Variants in BCL9 observed in about 807,000 individuals in gnomAD.
BCL9 encodes the protein BCL9 transcription coactivator.
In BCL9, 25 loss-of-function variants were observed where a neutral mutation model predicts 88.5. The observed-to-expected ratio is 0.28, with a 90% CI of 0.21 to 0.39. BCL9 has a LOEUF of 0.39. Among genes scored for constraint, BCL9 ranks in the 10% least tolerant of loss-of-function variants. The pLI is 1.00. For missense variants in BCL9, 1,817 were observed against 1,877.8 expected (o/e 0.97, Z 0.60); for synonymous variants, 711 against 673.3 (o/e 1.06, Z -0.87).
intron 1 of BCL9, among the ~76,000 whole-genome samples, chr1:147,548,263 A>G (rs896708411): frequency 3.3e-5 from 5 of 152,188 alleles, no homozygotes; most frequent in African/African-American, 1.2e-4. Flanking sequence ...TACTTGCTCT[A>G]AGGATGCTTG....
At chr1:147,578,817 A>G (rs587738694) in intron 1 of BCL9, among the ~76,000 whole-genome samples, 5 of 151,896 alleles carry the variant, frequency 3.3e-5, no homozygotes, top group African/African-American at 9.7e-5. Flanking sequence ...TATGTGAAGT[A>G]TAAGGGAAAG....
intron 1 of BCL9, among the ~76,000 whole-genome samples, chr1:147,584,235 C>A (rs782574943): frequency 6.6e-6 from 1 of 151,992 alleles, no homozygotes; most frequent in African/African-American, 2.4e-5. Flanking sequence ...TTAGTAGAGA[C>A]GAGGTTTTGC....
rs1302399272 is a variant in BCL9, at chr1:147,611,832, A to C, written c.-5A>C. 6.2e-7 allele frequency: 1 copy of C among 1,614,092 alleles called. No individual in the cohort carries two copies. The highest frequency in any genetic ancestry group is 1.1e-5 in the South Asian group (1 of 91,080). ...TTTGTGACTGCAAGCTCAGGATTTCAATCAATGCATTCCAGTAACCCTAAA... is the reference window on the plus strand; with the variant it reads ...TTTGTGACTGCAAGCTCAGGATTTCCATCAATGCATTCCAGTAACCCTAAA... On this transcript the variant is annotated 5_prime_UTR_variant, in exon 4 of 10. Transcript: ENST00000234739.
At chr1:147,601,538 A>AT (rs1396996907) in intron 1 of BCL9, among the ~76,000 whole-genome samples, 3 of 152,158 alleles carry the variant, frequency 2.0e-5, no homozygotes, top group Non-Finnish European at 4.4e-5. Context: ...TTGTAAAATC[A>AT]TTGAGAGATG....
intron 7 of BCL9, among the ~76,000 whole-genome samples, chr1:147,618,520 A>G (rs184779221): frequency 1.3e-3 from 192 of 152,352 alleles, no homozygotes; most frequent in African/African-American, 4.4e-3. Flanking sequence ...CTGTTCCTCA[A>G]AATAGATACT....
At chr1:147,612,355 GT>G (rs1553202731) in intron 4 of BCL9, among the ~76,000 whole-genome samples, 1 of 152,178 alleles carries the variant, frequency 6.6e-6, no homozygotes, top group Admixed American at 6.5e-5. Context: ...GCAGTGGTTG[GT>G]TTATCTGCTT....
At chr1:147,566,751 T>C (rs1437423064) in intron 1 of BCL9, among the ~76,000 whole-genome samples, 6 of 84,816 alleles carry the variant, frequency 7.1e-5, no homozygotes, top group South Asian at 9.6e-4. Flanking sequence ...AGCGAGACGC[T>C]GTCTCAAAAA....
In BCL9 at chr1:147,615,832, T is replaced by C. The variant is rs1421763459; in HGVS notation, c.590T>C (p.Val197Ala). The change falls in exon 7 of 10, where the codon GTT becomes GCT. Residue 197 changes from valine to alanine, a missense_variant. Val to Ala is a moderately conservative substitution (Grantham distance 64, BLOSUM62 0). Around this residue, in one of 2 missense-constraint regions of BCL9, gnomAD observed 1,228 missense variants for 1,191.6 expected, o/e 1.03. Transcript: ENST00000234739. ...GCAGAAGCTGTTTTGAAGGGCCAGGTTGAAACTATCGTCTCTTTCCACATC... is the reference window on the plus strand; with the variant it reads ...GCAGAAGCTGTTTTGAAGGGCCAGGCTGAAACTATCGTCTCTTTCCACATC... ...KAAEAVLKGQVETIVSFHIQN... is the reference protein window; with the variant it reads ...KAAEAVLKGQAETIVSFHIQN... 5 of 1,614,082 alleles carry C rather than the reference T, an allele frequency of 3.1e-6. No individual in the cohort carries two copies. Among genetic ancestry groups the C allele is most frequent in the Non-Finnish European group, 4.2e-6 (5 of 1,180,040 alleles).
In BCL9 at chr1:147,556,486, C is replaced by G. The variant is rs193272020; in HGVS notation, c.-478+14812C>G. Among the ~76,000 whole-genome samples the G allele has an allele frequency of 4.8e-3, 736 of 151,942 alleles. 4 individuals carry two copies. The highest frequency in any genetic ancestry group is 0.017 in the African/African-American group (692 of 41,424). On this transcript the variant is annotated intron_variant, in intron 1 of 9. Coordinates refer to ENST00000234739, the MANE Select transcript of BCL9 (RefSeq NM_004326.4). Reference sequence around the variant, plus strand: ...TTATTTTTTGAGACAGAGTCTCCCTCTGTCGCCCAGGCTGGAATGCAGTGG... The same window carrying G: ...TTATTTTTTGAGACAGAGTCTCCCTGTGTCGCCCAGGCTGGAATGCAGTGG...
rs1658092440 is a variant in BCL9 at position 147,613,026 on chromosome 1, C to G, written c.197C>G (p.Ser66Cys). 6 of 1,606,080 alleles carry G rather than the reference C, an allele frequency of 3.7e-6. No individual in the cohort carries two copies. The highest frequency in any genetic ancestry group is 5.1e-6 in the Non-Finnish European group (6 of 1,175,650). The stretch of plus-strand genomic sequence containing the variant: ...CAATCCCAGCCATCCCCCTGTGACT[C>G]CAAGAGTGGGGGCCATACCCCTAAA... Reference protein sequence around the residue: ...ASQSQPSPCDSKSGGHTPKAL... With the variant: ...ASQSQPSPCDCKSGGHTPKAL... The change falls in exon 5 of 10, where the codon TCC (serine) becomes TGC (cysteine). Residue 66 changes from serine to cysteine, a missense_variant. Ser to Cys is a moderately radical substitution (Grantham distance 112). This residue lies in a region of BCL9 where 1,228 missense variants were observed against 1,191.6 expected (regional missense o/e 1.03). Transcript: ENST00000234739.
intron 1 of BCL9, among the ~76,000 whole-genome samples, chr1:147,563,958 G>A (rs1436127282): frequency 2.0e-5 from 3 of 152,210 alleles, no homozygotes; most frequent in Non-Finnish European, 4.4e-5. Flanking sequence ...AACTGTGTGA[G>A]ATCTGAGGTT....
intron 1 of BCL9, among the ~76,000 whole-genome samples, chr1:147,573,867 T>C (rs1655993729): frequency 6.6e-6 from 1 of 152,068 alleles, no homozygotes; most frequent in African/African-American, 2.4e-5. Context: ...CAGTCATGTG[T>C]TTTTTTCCCA....
At chr1:147,592,331 C>A (rs1553200004) in intron 1 of BCL9, among the ~76,000 whole-genome samples, 1 of 152,174 alleles carries the variant, frequency 6.6e-6, no homozygotes, top group African/African-American at 2.4e-5. Context: ...TTTTTGCAAT[C>A]CCAGAGGACT....
At chr1:147,589,564 T>C (rs1553199676) in intron 1 of BCL9, among the ~76,000 whole-genome samples, 1 of 152,234 alleles carries the variant, frequency 6.6e-6, no homozygotes, top group African/African-American at 2.4e-5. Flanking sequence ...TTCATGTAAA[T>C]GAAATCATGC....
At chr1:147,576,755 T>G (rs1656129183) in intron 1 of BCL9, among the ~76,000 whole-genome samples, 1 of 152,142 alleles carries the variant, frequency 6.6e-6, no homozygotes, top group Admixed American at 6.5e-5. Flanking sequence ...GTAGGGAACT[T>G]ATGTGAGGAA....
At chr1:147,571,368 G>A (rs1655878631) in intron 1 of BCL9, among the ~76,000 whole-genome samples, 1 of 152,120 alleles carries the variant, frequency 6.6e-6, no homozygotes, top group South Asian at 2.1e-4. Flanking sequence ...CCATTCTGCA[G>A]AGAAAGACCA....
At chr1:147,615,703 C>T (rs1304971703) in intron 6 of BCL9, 100 bp from the exon 7 acceptor site, 1 of 804,742 alleles carries the variant, frequency 1.2e-6, no homozygotes, top group Non-Finnish European at 2.0e-6. Context: ...CTATTCCTTC[C>T]TCTCCCTTAC....
At chr1:147,557,610 C>T (rs1322255831) in intron 1 of BCL9, among the ~76,000 whole-genome samples, 1 of 152,038 alleles carries the variant, frequency 6.6e-6, no homozygotes, top group Non-Finnish European at 1.5e-5. Flanking sequence ...AAATGAATTT[C>T]ACGTTGAACT....
intron 1 of BCL9, among the ~76,000 whole-genome samples, chr1:147,584,347 G>A (rs138626576): frequency 2.4e-3 from 366 of 151,852 alleles, no homozygotes; most frequent in African/African-American, 8.6e-3. Context: ...GCACCCAGCC[G>A]GATTCATTTT....
Sources: gnomAD v4.1 joint callset for allele counts (sites outside exome capture counted in the v4.1 genomes callset) on GRCh38, gnomAD v4.1.1 for gene constraint, gnomAD v4.1.1 regional missense constraint, MANE v1.5 for transcripts, NCBI Gene and HGNC (gene_info 2026-07-23, HGNC 2026-07-21) for gene names.